ARHGAP42: variants seen among roughly 807,000 people sequenced by gnomAD.
ARHGAP42 encodes rho GTPase-activating protein 42.
ARHGAP42 carries 63 observed loss-of-function variants against 125.0 expected under a neutral mutation model. The observed-to-expected ratio is 0.50, with a 90% CI of 0.41 to 0.62. The LOEUF is 0.62. Ranked by LOEUF, ARHGAP42 falls within the 20% of genes least tolerant of loss-of-function variation. ARHGAP42 has a pLI of 0.00. For missense variants in ARHGAP42, 766 were observed against 1,024.2 expected (o/e 0.75, Z 3.44); for synonymous variants, 339 against 351.0 (o/e 0.97, Z 0.38).
At chr11:100,780,783 T>C (rs1186884107) in intron 2 of ARHGAP42, among the ~76,000 whole-genome samples, 1 of 152,236 alleles carries the variant, frequency 6.6e-6, no homozygotes, top group African/African-American at 2.4e-5. Context: ...ATAAGTAGTT[T>C]AAATTTTTTT....
chr11:100,980,573 T>C (rs1348843451), intron 22 of ARHGAP42, among the ~76,000 whole-genome samples: 1,901 of 116,392 alleles, frequency 0.016, 112 homozygotes, highest in African/African-American at 0.055. Flanking sequence ...TTTTTTTTTT[T>C]TTTTTTTTTT....
intron 1 of ARHGAP42, chr11:100,738,376 A>G (rs999476677): frequency 7.2e-5 from 11 of 152,230 alleles, no homozygotes; most frequent in Admixed American, 5.9e-4. Context: ...TTGGATGCTG[A>G]TATTTCAGAG....
intron 3 of ARHGAP42, among the ~76,000 whole-genome samples, chr11:100,820,872 A>G (rs1448282538): frequency 1.3e-5 from 2 of 152,054 alleles, no homozygotes; most frequent in Admixed American, 1.3e-4. Flanking sequence ...TAGTAATAAC[A>G]TTGTGACAAA....
At chr11:100,770,910 G>A (rs550125323) in intron 2 of ARHGAP42, among the ~76,000 whole-genome samples, 139 of 152,072 alleles carry the variant, frequency 9.1e-4, no homozygotes, top group Non-Finnish European at 1.8e-3. Flanking sequence ...TTTTTAAATC[G>A]AAGCTCTGTG....
chr11:100,863,736 A>C (rs1865503692), intron 4 of ARHGAP42, among the ~76,000 whole-genome samples: 1 of 152,208 alleles, frequency 6.6e-6, no homozygotes. Flanking sequence ...GTTTCTTAGT[A>C]AGATGGTATA....
At chr11:100,977,899 AT>A (rs1471329778) in intron 21 of ARHGAP42, among the ~76,000 whole-genome samples, 2 of 152,160 alleles carry the variant, frequency 1.3e-5, no homozygotes, top group African/African-American at 2.4e-5. Flanking sequence ...CCAGTAAGAC[AT>A]TTTACTAAGC....
chr11:100,807,506 C>T (rs1431328670), intron 3 of ARHGAP42, among the ~76,000 whole-genome samples: 1 of 152,102 alleles, frequency 6.6e-6, no homozygotes, highest in Non-Finnish European at 1.5e-5. Context: ...TTTTTATATA[C>T]ATGTTATTTG....
At chr11:100,978,484 T>A (rs968868048) in intron 21 of ARHGAP42, among the ~76,000 whole-genome samples, 3 of 152,190 alleles carry the variant, frequency 2.0e-5, no homozygotes, top group Non-Finnish European at 4.4e-5. Context: ...ATCTACAGAT[T>A]TGTTTATTGG....
At chr11:100,868,241 G>A (rs796155698) in intron 4 of ARHGAP42, among the ~76,000 whole-genome samples, 4 of 152,284 alleles carry the variant, frequency 2.6e-5, no homozygotes, top group African/African-American at 9.6e-5. Context: ...AATATCTAAT[G>A]TACAGTAAAA....
intron 3 of ARHGAP42, among the ~76,000 whole-genome samples, chr11:100,844,387 G>T (rs1054217210): frequency 6.9e-5 from 10 of 145,262 alleles, no homozygotes; most frequent in African/African-American, 2.9e-4. Context: ...ATTGTCTTAG[G>T]CAAGGATTTC....
chr11:100,956,788 G>C (rs1857815667), intron 12 of ARHGAP42, among the ~76,000 whole-genome samples: 1 of 152,028 alleles, frequency 6.6e-6, no homozygotes, highest in Non-Finnish European at 1.5e-5. Flanking sequence ...GGCCTGCCTG[G>C]TTTATGCCTG....
In ARHGAP42 at chr11:100,796,228, C is replaced by T. The variant is rs531264035; in HGVS notation, c.312+1062C>T. On this transcript the variant is annotated intron_variant, in intron 3 of 23. Coordinates refer to ENST00000298815, the MANE Select transcript of ARHGAP42 (RefSeq NM_152432.4). ...ATATCTGTTGTGGTGACCTGTGATG[C>T]GTGAATGTTAGGGTTACTATTAGGA... Among the ~76,000 whole-genome samples, 13 of 152,094 alleles carry T rather than the reference C, an allele frequency of 8.5e-5. No individual in the cohort carries two copies. The East Asian group carries it at 2.3e-3, about 27-fold the overall frequency.
At chr11:100,745,512 T>C (rs560605814) in intron 1 of ARHGAP42, among the ~76,000 whole-genome samples, 2 of 152,304 alleles carry the variant, frequency 1.3e-5, no homozygotes, top group African/African-American at 2.4e-5. Context: ...ATTGAGGCTG[T>C]TATTCTTTTC....
At chr11:100,914,632 A>G (rs1208464969) in intron 5 of ARHGAP42, among the ~76,000 whole-genome samples, 1 of 152,126 alleles carries the variant, frequency 6.6e-6, no homozygotes, top group Non-Finnish European at 1.5e-5. Flanking sequence ...CCCGCAGCTC[A>G]ACACTGCTGT....
chr11:100,781,530 A>G (rs1306060036), intron 2 of ARHGAP42, among the ~76,000 whole-genome samples: 2 of 152,214 alleles, frequency 1.3e-5, no homozygotes, highest in Non-Finnish European at 2.9e-5. Flanking sequence ...TCATTCACTC[A>G]ATAAATACTT....
At chr11:100,769,837 T>C (rs536702183) in intron 1 of ARHGAP42, among the ~76,000 whole-genome samples, 1 of 143,068 alleles carries the variant, frequency 7.0e-6, no homozygotes, top group South Asian at 2.3e-4. Flanking sequence ...GGGGGAGGTG[T>C]AGGGGGATGG....
intron 4 of ARHGAP42, among the ~76,000 whole-genome samples, chr11:100,878,568 C>G (rs890385836): frequency 1.3e-5 from 2 of 152,088 alleles, no homozygotes; most frequent in Non-Finnish European, 2.9e-5. Context: ...AAGTGGTTTC[C>G]TAAAGTAAGT....
chr11:100,862,440 C>T (rs554892368), intron 4 of ARHGAP42, among the ~76,000 whole-genome samples: 4 of 152,234 alleles, frequency 2.6e-5, no homozygotes, highest in African/African-American at 9.6e-5. Context: ...TTTGGAGGTT[C>T]AAGTTATCTT....
chr11:100,852,139 C>T (rs1428313308), intron 3 of ARHGAP42, among the ~76,000 whole-genome samples: 1 of 152,130 alleles, frequency 6.6e-6, no homozygotes, highest in Non-Finnish European at 1.5e-5. Flanking sequence ...CTCTTCTCTC[C>T]TGTCCTCCTC....
Sources: gnomAD v4.1 joint callset for allele counts (sites outside exome capture counted in the v4.1 genomes callset) on GRCh38, gnomAD v4.1.1 for gene constraint, MANE v1.5 for transcripts, NCBI Gene and HGNC (gene_info 2026-07-23, HGNC 2026-07-21) for gene names.